Variants in ZMYM4 observed in about 807,000 individuals in gnomAD.
The protein encoded by ZMYM4 is zinc finger MYM-type containing 4, also known as zinc finger MYM-type protein 4.
A neutral mutation model predicts 183.2 loss-of-function variants in ZMYM4; 31 were observed. The observed-to-expected ratio is 0.17, with a 90% CI of 0.13 to 0.23. The LOEUF (loss-of-function observed/expected upper bound fraction) is 0.23. Ranked by LOEUF, ZMYM4 falls within the 10% of genes least tolerant of loss-of-function variation. The pLI is 1.00. For missense variants in ZMYM4, 1,273 were observed against 1,840.3 expected, an observed-to-expected ratio of 0.69 and a Z score of 5.64; for synonymous variants, 592 against 631.2, an observed-to-expected ratio of 0.94 and a Z score of 0.93.
At chr1:35,369,180 A>G (rs1004996783) in intron 5 of ZMYM4, among the ~76,000 whole-genome samples, 6 of 152,204 alleles carry the variant, frequency 3.9e-5, no homozygotes, top group African/African-American at 9.7e-5. Flanking sequence ...GAGTTTTTGC[A>G]TGTTTCAATA....
intron 1 of ZMYM4, among the ~76,000 whole-genome samples, chr1:35,284,879 A>G (rs1292335665): frequency 1.3e-5 from 2 of 152,202 alleles, no homozygotes; most frequent in African/African-American, 4.8e-5. Flanking sequence ...TACCTCATCT[A>G]GCTGATTACC....
chr1:35,323,101 G>C (rs907166763), intron 1 of ZMYM4, among the ~76,000 whole-genome samples: 1 of 151,774 alleles, frequency 6.6e-6, no homozygotes, highest in African/African-American at 2.4e-5. Context: ...CTGAGTTCAA[G>C]TGATTCTCCT....
Position 35,367,157 on chromosome 1 carries a change from AATGG to A in ZMYM4, c.841-2866_841-2863del, listed in dbSNP as rs552211296. 5.8e-4 allele frequency among the ~76,000 whole-genome samples: 89 copies of A among 152,296 alleles called. No individual in the cohort carries two copies. The South Asian group carries it at 0.013, about 22-fold the overall frequency. On this transcript the variant is annotated intron_variant, in intron 5 of 29. Transcript: ENST00000314607. ...CACTTATTACACATATATTCTAAAA[AATGG>A]ATGGAGAGGTTGAATGTGGCAAATG...
intron 1 of ZMYM4, among the ~76,000 whole-genome samples, chr1:35,310,090 C>T (rs1020106575): frequency 6.6e-5 from 10 of 151,862 alleles, no homozygotes; most frequent in Admixed American, 4.6e-4. Flanking sequence ...CCACCATGCC[C>T]GGCTAATGTT....
intron 2 of ZMYM4, among the ~76,000 whole-genome samples, chr1:35,337,861 C>T (rs890221716): frequency 6.6e-6 from 1 of 152,162 alleles, no homozygotes; most frequent in Admixed American, 6.5e-5. Context: ...ATCCTTTGAA[C>T]TCAGGAGGTG....
chr1:35,270,285 C>T (rs1639529285), intron 1 of ZMYM4, among the ~76,000 whole-genome samples: 1 of 152,094 alleles, frequency 6.6e-6, no homozygotes, highest in South Asian at 2.1e-4. Flanking sequence ...TGTGGGATGC[C>T]ACAGAGGAGT....
chr1:35,281,001 C>T (rs1371089674), intron 1 of ZMYM4, among the ~76,000 whole-genome samples: 1 of 152,052 alleles, frequency 6.6e-6, no homozygotes, highest in African/African-American at 2.4e-5. Flanking sequence ...TAAAAAATCA[C>T]AGGTCGGGTG....
chr1:35,389,956 A>G lies in ZMYM4; in HGVS notation c.2445A>G (p.Lys815=), dbSNP rs781462092. ...KYTVLFYQMA[K]CDACKRQGKL... ...TACCTTCTTCTTTTTAGATGGCCAA[A>G]TGTGATGCTTGTAAGCGACAGGGTA... Residue 815 remains lysine (K), a synonymous_variant, in exon 15 of 30, where the codon AAA becomes AAG. Coordinates refer to ENST00000314607, the MANE Select transcript of ZMYM4 (RefSeq NM_005095.3). This position sits in a 1 kb window ranked among gnomAD's most constrained non-coding sequence, Gnocchi z 4.0. The G allele has an allele frequency of 1.9e-6, 3 of 1,608,234 alleles. No individual in the cohort carries two copies. The African/African-American group carries it at 4.0e-5, about 22-fold the overall frequency.
intron 1 of ZMYM4, among the ~76,000 whole-genome samples, chr1:35,307,139 C>A (rs1392227821): frequency 6.6e-6 from 1 of 152,162 alleles, no homozygotes; most frequent in Non-Finnish European, 1.5e-5. Context: ...AATGAGAGAT[C>A]TCTGTTAATA....
chr1:35,280,252 TTCTC>T (rs1256289509), intron 1 of ZMYM4, among the ~76,000 whole-genome samples: 4 of 149,346 alleles, frequency 2.7e-5, no homozygotes, highest in African/African-American at 5.0e-5. Context: ...CTCTCTTTCT[TTCTC>T]TCTTTCTCTC....
intron 1 of ZMYM4, among the ~76,000 whole-genome samples, chr1:35,292,997 C>T (rs1247991789): frequency 9.5e-6 from 1 of 104,752 alleles, no homozygotes; most frequent in African/African-American, 3.3e-5. Context: ...TCTGTGATAC[C>T]ATTAACATTT....
intron 1 of ZMYM4, among the ~76,000 whole-genome samples, chr1:35,306,287 A>G (rs942436788): frequency 2.0e-4 from 31 of 152,040 alleles, no homozygotes; most frequent in African/African-American, 7.5e-4. Context: ...AGTATATTTC[A>G]TTTATCTCTC....
chr1:35,326,864 TTCTC>T (rs1382296533), intron 2 of ZMYM4, among the ~76,000 whole-genome samples: 2 of 152,202 alleles, frequency 1.3e-5, no homozygotes, highest in Non-Finnish European at 2.9e-5. Context: ...GTCATTTTTT[TTCTC>T]TCTTTTTTTG....
At chr1:35,304,606 G>A (rs1157542473) in intron 1 of ZMYM4, among the ~76,000 whole-genome samples, 2 of 150,012 alleles carry the variant, frequency 1.3e-5, no homozygotes, top group African/African-American at 2.5e-5. Flanking sequence ...ACTATAGCGT[G>A]TGCCACAATG....
At chr1:35,360,189 CTTATCTATA>C (rs1032008656) in intron 3 of ZMYM4, among the ~76,000 whole-genome samples, 4 of 152,012 alleles carry the variant, frequency 2.6e-5, no homozygotes, top group African/African-American at 9.7e-5. Context: ...GAATGGTTTC[CTTATCTATA>C]TTTCCACAGC....
At chr1:35,303,556 C>G (rs1365972700) in intron 1 of ZMYM4, among the ~76,000 whole-genome samples, 2 of 152,136 alleles carry the variant, frequency 1.3e-5, no homozygotes, top group African/African-American at 4.8e-5. Context: ...TAGGCACGCA[C>G]CATCACACCG....
chr1:35,418,346 C>CA lies in ZMYM4; in HGVS notation c.4310-94dup, dbSNP rs1319616930. 8.8e-6 allele frequency: 12 copies of CA among 1,360,620 alleles called. No individual in the cohort carries two copies. The East Asian group carries it at 2.7e-4, about 31-fold the overall frequency. The allele number at this position is 1,360,620 out of a possible 1,614,324, so 84.3% of individuals were successfully genotyped here. A position where few individuals can be genotyped will look rare whatever the true frequency, so the allele number is the denominator to read the frequency against. ...TGAGTGAGTGAAAGGGAGGAAATGACAAAGTTCTGGCTGCGAAGCAAAGCT... is the reference window on the plus strand; with the variant it reads ...TGAGTGAGTGAAAGGGAGGAAATGACAAAAGTTCTGGCTGCGAAGCAAAGCT... On this transcript the variant is annotated intron_variant, in intron 28 of 29. Coordinates refer to ENST00000314607, the MANE Select transcript of ZMYM4 (RefSeq NM_005095.3).
At chr1:35,376,332 AT>A in intron 7 of ZMYM4, among the ~76,000 whole-genome samples, 1 of 152,210 alleles carries the variant, frequency 6.6e-6, no homozygotes, top group Non-Finnish European at 1.5e-5. Flanking sequence ...AAAATACCTA[AT>A]TTTATACTTC....
chr1:35,323,935 C>G (rs1198564967), intron 1 of ZMYM4, among the ~76,000 whole-genome samples: 3 of 152,096 alleles, frequency 2.0e-5, no homozygotes, highest in Non-Finnish European at 4.4e-5. Context: ...GAGTGACCTT[C>G]ACTATTAGTT....
Sources: gnomAD v4.1 joint callset for allele counts (sites outside exome capture counted in the v4.1 genomes callset) on GRCh38, gnomAD v4.1.1 for gene constraint, Gnocchi (gnomAD v3.1) non-coding constraint, MANE v1.5 for transcripts, NCBI Gene and HGNC (gene_info 2026-07-23, HGNC 2026-07-21) for gene names.